NTM: variants seen among roughly 807,000 people sequenced by gnomAD.
NTM encodes the protein IgLON family member 2.
NTM carries 13 observed loss-of-function variants against 42.1 expected under a neutral mutation model. The observed-to-expected ratio is 0.31, with a 90% CI of 0.20 to 0.49. NTM has a LOEUF of 0.49. NTM is among the 20% of genes least tolerant of loss of function. The probability of loss-of-function intolerance (pLI) is 0.99; values close to 1 mark genes in which losing one functional copy is unlikely to be tolerated. For synonymous variants in NTM, 187 were observed against 179.2 expected (o/e 1.04, Z -0.35); for missense variants, 373 against 452.8 (o/e 0.82, Z 1.60).
intron 1 of NTM, among the ~76,000 whole-genome samples, chr11:131,427,366 G>GA (rs903857448): frequency 9.3e-5 from 14 of 151,212 alleles, no homozygotes; most frequent in East Asian, 5.8e-4. Flanking sequence ...TTTGTGCTGA[G>GA]AAAAAAAAAT....
chr11:131,789,435 A>G (rs867319825), intron 1 of NTM, among the ~76,000 whole-genome samples: 9 of 8,324 alleles, frequency 1.1e-3, no homozygotes, highest in Admixed American at 3.5e-3. Flanking sequence ...AGAAGGAAGA[A>G]GAAGAAGAAG....
At position 131,424,600 on chromosome 11, in the gene NTM, C is replaced by CTTTTTTTTTTT. The variant is rs769740331; in HGVS notation, c.82+53720_82+53730dup. Among the ~76,000 whole-genome samples, 156 of 55,896 alleles carry CTTTTTTTTTTT rather than the reference C, an allele frequency of 2.8e-3. 3 individuals carry two copies. Among genetic ancestry groups the CTTTTTTTTTTT allele is most frequent in the Non-Finnish European group, 3.4e-3 (108 of 31,594 alleles). The allele number at this position is 55,896 out of a possible 152,430, so 36.7% of individuals were successfully genotyped here. On this transcript the variant is annotated intron_variant, in intron 1 of 8. Coordinates refer to ENST00000683400, the MANE Select transcript of NTM (RefSeq NM_001352005.2). Reference sequence around the variant, plus strand: ...AGTTGTTTTTTATTTCTTTTCTTTTCTTTTTTTTTTTTTTTTTTGGCGCAA... The same window carrying CTTTTTTTTTTT: ...AGTTGTTTTTTATTTCTTTTCTTTTCTTTTTTTTTTTTTTTTTTTTTTTTTTTTTGGCGCAA...
chr11:131,889,770 G>A (rs2050975520), intron 1 of NTM, among the ~76,000 whole-genome samples: 1 of 152,088 alleles, frequency 6.6e-6, no homozygotes, highest in South Asian at 2.1e-4. Context: ...GAAACTGGGG[G>A]AAGGAAAGTA....
At chr11:131,941,020 T>C (rs2059734907) in intron 2 of NTM, among the ~76,000 whole-genome samples, 1 of 152,174 alleles carries the variant, frequency 6.6e-6, no homozygotes, top group Non-Finnish European at 1.5e-5. Context: ...CAGGTCCCCA[T>C]GGCAGTGCGC....
At chr11:131,804,829 C>T (rs563082828) in intron 1 of NTM, among the ~76,000 whole-genome samples, 4 of 152,272 alleles carry the variant, frequency 2.6e-5, no homozygotes, top group Non-Finnish European at 5.9e-5. Flanking sequence ...GCTCTACCCT[C>T]ATGAGTAGGT....
At position 131,972,042 on chromosome 11, in the gene NTM, C is replaced by CAAAAA. The variant is rs61627120; in HGVS notation, c.167+60411_167+60415dup. Among the ~76,000 whole-genome samples, 197 of 57,820 alleles carry CAAAAA rather than the reference C, an allele frequency of 3.4e-3. 8 individuals carry two copies. The highest frequency in any genetic ancestry group is 0.013 in the African/African-American group (189 of 14,798). The allele number at this position is 57,820 out of a possible 152,430, so 37.9% of individuals were successfully genotyped here. A position where few individuals can be genotyped will look rare whatever the true frequency, so the allele number is the denominator to read the frequency against. On this transcript the variant is annotated intron_variant, in intron 2 of 8. Transcript: ENST00000683400. ...TGGGCGACAGAGTGAGACTCCGTCTCAAAAAAAAAAAAAAAAAAAAATTAG... is the reference window on the plus strand; with the variant it reads ...TGGGCGACAGAGTGAGACTCCGTCTCAAAAAAAAAAAAAAAAAAAAAAAAAATTAG...
intron 2 of NTM, among the ~76,000 whole-genome samples, chr11:132,117,404 G>A (rs1362761335): frequency 6.6e-6 from 1 of 152,214 alleles, no homozygotes; most frequent in Admixed American, 6.5e-5. Context: ...TGGCTTCCTG[G>A]CCATGTGATG....
chr11:132,085,019 A>T (rs2059531522), intron 2 of NTM, among the ~76,000 whole-genome samples: 1 of 152,194 alleles, frequency 6.6e-6, no homozygotes, highest in African/African-American at 2.4e-5. Context: ...TTGTGCTTTT[A>T]TTTCAATGCT....
intron 1 of NTM, among the ~76,000 whole-genome samples, chr11:131,652,146 T>C (rs1488780386): frequency 6.6e-6 from 1 of 152,188 alleles, no homozygotes; most frequent in Non-Finnish European, 1.5e-5. Flanking sequence ...CCATGTCCTC[T>C]TGTGTAAAAT....
chr11:131,693,497 C>T (rs78515269), intron 1 of NTM, among the ~76,000 whole-genome samples: 288 of 152,248 alleles, frequency 1.9e-3, no homozygotes, highest in African/African-American at 6.6e-3. Context: ...CTTCCAAACA[C>T]GAAGGAGACT....
chr11:131,821,963 C>T (rs2093208834), intron 1 of NTM, among the ~76,000 whole-genome samples: 2 of 152,138 alleles, frequency 1.3e-5, no homozygotes, highest in Non-Finnish European at 2.9e-5. Flanking sequence ...TGATTCTGTA[C>T]CTCTCCTAAG....
At position 132,288,954 on chromosome 11, in the gene NTM, T is replaced by G. The variant is rs574666675; in HGVS notation, c.527-18735T>G. Among the ~76,000 whole-genome samples, 7 of 152,306 alleles carry G rather than the reference T, an allele frequency of 4.6e-5. No individual in the cohort carries two copies. The South Asian group carries it at 1.5e-3, about 32-fold the overall frequency. On this transcript the variant is annotated intron_variant, in intron 4 of 8. Coordinates refer to ENST00000683400, the MANE Select transcript of NTM (RefSeq NM_001352005.2). ...TCTATTTATCTTTAAGTTTACTGAC[T>G]TTTTACTCTATCATCTCTATTTTGC...
At chr11:131,666,735 C>G (rs1156568146) in intron 1 of NTM, among the ~76,000 whole-genome samples, 3 of 152,218 alleles carry the variant, frequency 2.0e-5, no homozygotes, top group African/African-American at 7.2e-5. Flanking sequence ...ATCAGTGCAA[C>G]AGAGACGTCC....
chr11:131,383,893 A>C (rs1943000107), intron 1 of NTM, among the ~76,000 whole-genome samples: 1 of 152,194 alleles, frequency 6.6e-6, no homozygotes, highest in Non-Finnish European at 1.5e-5. Context: ...CGTTGCAACC[A>C]GTTAGGCATG....
chr11:131,532,478 C>A (rs1219896955), intron 1 of NTM, among the ~76,000 whole-genome samples: 1 of 152,224 alleles, frequency 6.6e-6, no homozygotes, highest in Non-Finnish European at 1.5e-5. Context: ...GTCATAGACA[C>A]TGGGTTGTTT....
At chr11:132,181,804 T>C (rs1467372229) in intron 3 of NTM, among the ~76,000 whole-genome samples, 1 of 152,092 alleles carries the variant, frequency 6.6e-6, no homozygotes. Flanking sequence ...ACTGTCTCTG[T>C]ATCTTTGCAT....
At chr11:132,319,324 G>C (rs114218222) in intron 7 of NTM, among the ~76,000 whole-genome samples, 1 of 152,182 alleles carries the variant, frequency 6.6e-6, no homozygotes, top group African/African-American at 2.4e-5. Context: ...GCAAGGCATC[G>C]CCTTACCTGG....
intron 1 of NTM, among the ~76,000 whole-genome samples, chr11:131,734,566 A>T (rs980513305): frequency 4.6e-5 from 7 of 152,130 alleles, no homozygotes; most frequent in Non-Finnish European, 8.8e-5. Flanking sequence ...GGCAGGACGC[A>T]GTCAAGAATG....
At chr11:132,240,090 CATCCACAA>C (rs2089937861) in intron 4 of NTM, among the ~76,000 whole-genome samples, 1 of 151,454 alleles carries the variant, frequency 6.6e-6, no homozygotes, top group Admixed American at 6.6e-5. Context: ...TCCATCCATC[CATCCACAA>C]ACATTTGCTT....
Sources: allele counts gnomAD v4.1 joint callset (sites outside exome capture counted in the v4.1 genomes callset), GRCh38; gene constraint gnomAD v4.1.1; transcripts MANE v1.5; gene names NCBI Gene and HGNC (gene_info 2026-07-23, HGNC 2026-07-21).